The following ADAMTS2 variants were observed in gnomAD, a reference collection of about 807,000 sequenced individuals.
The protein encoded by ADAMTS2 is ADAM metallopeptidase with thrombospondin type 1 motif 2.
In ADAMTS2, 50 loss-of-function variants were observed where a neutral mutation model predicts 123.0. The ratio of observed to expected loss-of-function variants is 0.41; its 90% CI spans 0.32 to 0.51. The LOEUF (loss-of-function observed/expected upper bound fraction) is 0.51. ADAMTS2 is among the 20% of genes least tolerant of loss of function. ADAMTS2 has a pLI of 0.35. For missense variants in ADAMTS2, 1,494 were observed against 1,705.2 expected, an observed-to-expected ratio of 0.88 and a Z score of 2.18; for synonymous variants, 678 against 695.4, an observed-to-expected ratio of 0.98 and a Z score of 0.39.
At chr5:179,210,590 G>T (rs2113382435) in intron 3 of ADAMTS2, among the ~76,000 whole-genome samples, 1 of 152,364 alleles carries the variant, frequency 6.6e-6, no homozygotes, top group South Asian at 2.1e-4. Flanking sequence ...AAGTGGGTGA[G>T]GAGAGGAAGA....
intron 3 of ADAMTS2, among the ~76,000 whole-genome samples, chr5:179,263,853 G>A (rs1766294775): frequency 6.6e-6 from 1 of 152,226 alleles, no homozygotes; most frequent in Admixed American, 6.5e-5. Flanking sequence ...AGCTCCTTCA[G>A]GGCCCAGAGC....
At chr5:179,235,799 G>A (rs1765510614) in intron 3 of ADAMTS2, among the ~76,000 whole-genome samples, 1 of 152,220 alleles carries the variant, frequency 6.6e-6, no homozygotes, top group Admixed American at 6.5e-5. Flanking sequence ...CCTGCACAGA[G>A]CTCCTGCTAG....
chr5:179,256,900 G>A lies in ADAMTS2; in HGVS notation c.688+16011C>T, dbSNP rs537706521. Reference sequence around the variant, plus strand: ...GGCCGCCCAAGAGCTGCAGGGCTGAGGCCTGGCTTTAGTCCAGCACCCCGA... The same window carrying A: ...GGCCGCCCAAGAGCTGCAGGGCTGAAGCCTGGCTTTAGTCCAGCACCCCGA... On this transcript the variant is annotated intron_variant, in intron 3 of 21. Coordinates refer to ENST00000251582, the MANE Select transcript of ADAMTS2 (RefSeq NM_014244.5). This position sits in a 1 kb window ranked among gnomAD's most constrained non-coding sequence, Gnocchi z 4.1. Among the ~76,000 whole-genome samples the A allele has an allele frequency of 9.8e-5, 15 of 152,394 alleles. No homozygotes were observed. The South Asian group carries it at 2.9e-3, about 29-fold the overall frequency.
chr5:179,310,882 G>T (rs1756812303), intron 2 of ADAMTS2, among the ~76,000 whole-genome samples: 2 of 152,120 alleles, frequency 1.3e-5, no homozygotes, highest in African/African-American at 2.4e-5. Flanking sequence ...AACTGCAGGG[G>T]TCAGGGAGGC....
intron 2 of ADAMTS2, among the ~76,000 whole-genome samples, chr5:179,291,374 T>C (rs1268245354): frequency 2.0e-5 from 3 of 152,232 alleles, no homozygotes; most frequent in Non-Finnish European, 2.9e-5. Context: ...AGGTTCCGTG[T>C]CATTTCCGGG....
chr5:179,190,775 C>T (rs1354337644), intron 4 of ADAMTS2, among the ~76,000 whole-genome samples: 1 of 152,270 alleles, frequency 6.6e-6, no homozygotes, highest in Non-Finnish European at 1.5e-5. Context: ...ACAGCCCAAG[C>T]TGTTTCCCTG....
rs542032904 is a variant in ADAMTS2, at chr5:179,272,109, G to T, written c.688+802C>A. Among the ~76,000 whole-genome samples, 2 of 152,160 alleles carry T rather than the reference G, an allele frequency of 1.3e-5. No homozygotes were observed. The highest frequency in any genetic ancestry group is 2.9e-5 in the Non-Finnish European group (2 of 68,026). ...CACACGGGGGACCCTGAGAACTATGGGCCTGCAGAACCACATCAGACACCA... is the reference window on the plus strand; with the variant it reads ...CACACGGGGGACCCTGAGAACTATGTGCCTGCAGAACCACATCAGACACCA... On this transcript the variant is annotated intron_variant, in intron 3 of 21. Coordinates refer to ENST00000251582, the MANE Select transcript of ADAMTS2 (RefSeq NM_014244.5). The surrounding 1 kb of genome is among the most constrained non-coding windows in gnomAD (Gnocchi z 5.8).
At chr5:179,274,718 C>T (rs1766648732) in intron 2 of ADAMTS2, among the ~76,000 whole-genome samples, 1 of 152,266 alleles carries the variant, frequency 6.6e-6, no homozygotes, top group African/African-American at 2.4e-5. Flanking sequence ...CCAGGGCCTG[C>T]TGGGCGGCTG....
chr5:179,192,982 C>A (rs1764341576), intron 4 of ADAMTS2, among the ~76,000 whole-genome samples: 1 of 152,224 alleles, frequency 6.6e-6, no homozygotes, highest in African/African-American at 2.4e-5. Context: ...CCCCAGCGGG[C>A]TCCCAGGGTG....
chr5:179,286,841 C>T (rs985125826), intron 2 of ADAMTS2, among the ~76,000 whole-genome samples: 5 of 152,120 alleles, frequency 3.3e-5, no homozygotes, highest in Admixed American at 2.0e-4. Flanking sequence ...CTTGGCTTGT[C>T]GACAGCATCT....
intron 3 of ADAMTS2, among the ~76,000 whole-genome samples, chr5:179,222,587 T>A (rs1283959776): frequency 6.6e-6 from 1 of 152,158 alleles, no homozygotes; most frequent in Non-Finnish European, 1.5e-5. Context: ...ACTATAGAAA[T>A]CATCCTAATT....
chr5:179,344,764 G>C (rs1049250106), intron 1 of ADAMTS2, among the ~76,000 whole-genome samples: 1 of 152,230 alleles, frequency 6.6e-6, no homozygotes, highest in Non-Finnish European at 1.5e-5. Context: ...CCGATCTCCG[G>C]GGATTCCCTG....
At chr5:179,191,751 C>G (rs1764312234) in intron 4 of ADAMTS2, among the ~76,000 whole-genome samples, 1 of 152,156 alleles carries the variant, frequency 6.6e-6, no homozygotes, top group Non-Finnish European at 1.5e-5. Flanking sequence ...GGCTCCACTT[C>G]CCACTGAGAT....
At chr5:179,271,645 C>T (rs2113510693) in intron 3 of ADAMTS2, among the ~76,000 whole-genome samples, 1 of 152,328 alleles carries the variant, frequency 6.6e-6, no homozygotes, top group Admixed American at 6.5e-5. Context: ...ACCCAGTGGC[C>T]CGGCTGTCTG....
At chr5:179,207,471 A>ACCCGACC in intron 4 of ADAMTS2, 42 bp downstream of exon 4, 4 of 1,026,474 alleles carry the variant, frequency 3.9e-6, no homozygotes, top group Non-Finnish European at 6.1e-6. Context: ...CCCCTGGTTG[A>ACCCGACC]CCCTCCCCGC....
At chr5:179,240,614 G>A (rs577203846) in intron 3 of ADAMTS2, among the ~76,000 whole-genome samples, 98 of 152,294 alleles carry the variant, frequency 6.4e-4, no homozygotes, top group Non-Finnish European at 1.1e-3. Context: ...AAATCCAGTG[G>A]GGAGTCCTTT....
rs1327271900 is a variant in ADAMTS2 at position 179,314,549 on chromosome 5, GC to G, written c.534+29217del. 3.9e-5 allele frequency among the ~76,000 whole-genome samples: 6 copies of G among 152,080 alleles called. No homozygotes were observed. The highest frequency in any genetic ancestry group is 2.6e-4 in the Admixed American group (4 of 15,280). ...CACCCACAGCGCTCCTGCCTCTGCA[GC>G]CCCCCGGGCCGTGTCTCTCTCTCAC... On this transcript the variant is annotated intron_variant, in intron 2 of 21. Transcript: ENST00000251582. The surrounding 1 kb of genome is among the most constrained non-coding windows in gnomAD (Gnocchi z 4.5).
intron 2 of ADAMTS2, among the ~76,000 whole-genome samples, chr5:179,302,414 G>C (rs1029296617): frequency 6.6e-6 from 1 of 150,532 alleles, no homozygotes; most frequent in East Asian, 2.0e-4. Context: ...AAAAGCGGGG[G>C]AGTGATAAGG....
chr5:179,251,207 T>C (rs1765915521), intron 3 of ADAMTS2, among the ~76,000 whole-genome samples: 1 of 152,102 alleles, frequency 6.6e-6, no homozygotes, highest in African/African-American at 2.4e-5. Flanking sequence ...ACCCATGCCC[T>C]TGTGAGACAG....
Sources: gnomAD v4.1 joint callset for allele counts (sites outside exome capture counted in the v4.1 genomes callset) on GRCh38, gnomAD v4.1.1 for gene constraint, Gnocchi (gnomAD v3.1) non-coding constraint, MANE v1.5 for transcripts, NCBI Gene and HGNC (gene_info 2026-07-23, HGNC 2026-07-21) for gene names.